Variants in RAB3IP observed in about 807,000 individuals in gnomAD.
RAB3IP encodes RAB3A interacting protein, also known as rab-3A-interacting protein.
In RAB3IP, 36 loss-of-function variants were observed where a neutral mutation model predicts 59.1. The observed-to-expected ratio is 0.61, with a 90% CI of 0.47 to 0.80. The LOEUF is 0.80. RAB3IP is among the 30% of genes least tolerant of loss of function. The pLI, the probability that RAB3IP is intolerant of heterozygous loss-of-function variation, is 0.00. For synonymous variants in RAB3IP, 207 were observed against 191.2 expected (o/e 1.08, Z -0.68); for missense variants, 511 against 536.0 (o/e 0.95, Z 0.46).
intron 4 of RAB3IP, among the ~76,000 whole-genome samples, chr12:69,786,789 C>G (rs1875727600): frequency 4.5e-5 from 3 of 66,596 alleles, no homozygotes; most frequent in African/African-American, 1.5e-4. Flanking sequence ...GCCAGAAATG[C>G]AGCTTAGGCA....
intron 3 of RAB3IP, among the ~76,000 whole-genome samples, chr12:69,763,465 C>T (rs1244979143): frequency 6.6e-6 from 1 of 152,214 alleles, no homozygotes; most frequent in Admixed American, 6.5e-5. Context: ...TCCACTTTTG[C>T]TTTGACTGGA....
At chr12:69,810,302 G>A (rs1379640563) in intron 8 of RAB3IP, among the ~76,000 whole-genome samples, 17 of 152,180 alleles carry the variant, frequency 1.1e-4, no homozygotes, top group Admixed American at 5.2e-4. Flanking sequence ...GTGTCAGTCC[G>A]CCCCTACTGG....
chr12:69,755,381 T>A lies in RAB3IP; in HGVS notation c.-25-3T>A, dbSNP rs1426573118. 6 of 1,608,726 alleles carry A rather than the reference T, an allele frequency of 3.7e-6. No homozygotes were observed. The African/African-American group carries it at 8.0e-5, about 22-fold the overall frequency. On this transcript the variant is annotated splice_region_variant and splice_polypyrimidine_tract_variant and intron_variant, in intron 1 of 10. Coordinates refer to ENST00000247833, the MANE Select transcript of RAB3IP (RefSeq NM_022456.5). ...TAAGTATCTGCTTTTTGTTTTAACA[T>A]AGGTTATCTTATGATGAGGCTTTTG...
At chr12:69,790,500 A>G (rs1876432226) in intron 4 of RAB3IP, among the ~76,000 whole-genome samples, 1 of 152,208 alleles carries the variant, frequency 6.6e-6, no homozygotes, top group South Asian at 2.1e-4. Context: ...TACAGATACA[A>G]TGCAATCCCT....
chr12:69,781,085 A>G (rs2136194969), intron 3 of RAB3IP, among the ~76,000 whole-genome samples: 1 of 152,332 alleles, frequency 6.6e-6, no homozygotes, highest in Middle Eastern at 3.4e-3. Context: ...TTAAGAAGTT[A>G]GTACACTTAG....
At chr12:69,813,575 C>T (rs11177877) in intron 10 of RAB3IP, among the ~76,000 whole-genome samples, 37,841 of 151,938 alleles carry the variant, frequency 0.25, 6,063 homozygotes, top group Non-Finnish European at 0.35. Context: ...GAGAACCAAC[C>T]TCATGAAAGT....
At position 69,756,533 on chromosome 12, in the gene RAB3IP, C is replaced by T. The variant is rs770520638; in HGVS notation, c.380C>T (p.Ala127Val). Residue 127 changes from alanine (A) to valine (V), a missense_variant, in exon 3 of 11, where the codon GCT becomes GTT. Physicochemically the swap from Ala to Val is moderately conservative, Grantham distance 64. Transcript: ENST00000247833. ...EFLQGATITE[A>V]CDGSDDIFGL... Reference sequence around the variant, plus strand: ...TTACAGGGTGCTACTATAACAGAGGCTTGCGATGGCAGTGATGATATTTTT... The same window carrying T: ...TTACAGGGTGCTACTATAACAGAGGTTTGCGATGGCAGTGATGATATTTTT... The T allele has an allele frequency of 1.9e-6, 3 of 1,614,086 alleles. No individual in the cohort carries two copies. The South Asian group carries it at 3.3e-5, about 18-fold the overall frequency.
chr12:69,789,469 A>C lies in RAB3IP; in HGVS notation c.606+4654A>C, dbSNP rs571229631. ...ATGGAATCAAGAAGTAGAAACAAAA[A>C]AGCCCAAGATTAGATGGCTTCACAG... On this transcript the variant is annotated intron_variant, in intron 4 of 10. Coordinates refer to ENST00000247833, the MANE Select transcript of RAB3IP (RefSeq NM_022456.5). Among the ~76,000 whole-genome samples, 3 of 152,228 alleles carry C rather than the reference A, an allele frequency of 2.0e-5. No homozygotes were observed. The East Asian group carries it at 5.8e-4, about 29-fold the overall frequency.
intron 3 of RAB3IP, among the ~76,000 whole-genome samples, chr12:69,773,314 C>T (rs548213650): frequency 6.7e-6 from 1 of 149,684 alleles, no homozygotes; most frequent in East Asian, 2.0e-4. Context: ...CTTTGACTTT[C>T]CTTTATCTGG....
intron 8 of RAB3IP, among the ~76,000 whole-genome samples, chr12:69,804,926 G>A (rs1338738847): frequency 6.6e-6 from 1 of 152,212 alleles, no homozygotes; most frequent in Non-Finnish European, 1.5e-5. Context: ...AAGTCAGGTA[G>A]CGTGATGCCT....
At chr12:69,815,248 A>G (rs1880998377) in intron 10 of RAB3IP, 116 bp from the exon 11 acceptor site, 4 of 689,094 alleles carry the variant, frequency 5.8e-6, no homozygotes, top group South Asian at 4.0e-5. Context: ...GAAAAAATGT[A>G]GGTACATCTT....
chr12:69,742,951 G>T (rs1258855984), intron 1 of RAB3IP, among the ~76,000 whole-genome samples: 4 of 152,196 alleles, frequency 2.6e-5, no homozygotes, highest in African/African-American at 9.6e-5. Flanking sequence ...AGAGGAAAAA[G>T]AATGAAAATT....
At chr12:69,741,041 T>A (rs1342861792) in intron 1 of RAB3IP, among the ~76,000 whole-genome samples, 3 of 152,244 alleles carry the variant, frequency 2.0e-5, no homozygotes, top group Admixed American at 6.5e-5. Context: ...TACTATTAGG[T>A]TGAAATTGCT....
At chr12:69,797,306 C>G (rs181476470) in intron 6 of RAB3IP, among the ~76,000 whole-genome samples, 23 of 152,286 alleles carry the variant, frequency 1.5e-4, no homozygotes, top group Admixed American at 8.5e-4. Flanking sequence ...AAATGGCAAT[C>G]ATAATATCTG....
rs577307963 is a variant in RAB3IP at position 69,759,893 on chromosome 12, C to T, written c.510+3230C>T. ...GCAGAGACGCTCCTCACCTCCCAGA[C>T]GGGGTCGCGGCTGGACAGAGGCGCT... On this transcript the variant is annotated intron_variant, in intron 3 of 10. Coordinates refer to ENST00000247833, the MANE Select transcript of RAB3IP (RefSeq NM_022456.5). Among the ~76,000 whole-genome samples the T allele has an allele frequency of 5.6e-3, 841 of 150,934 alleles. 4 individuals are homozygous for T. The highest frequency in any genetic ancestry group is 0.019 in the African/African-American group (785 of 40,878).
rs1881205595 is a variant in RAB3IP, at chr12:69,817,066, A to C, written c.*1620A>C. 6.6e-6 allele frequency: 1 copy of C among 152,238 alleles called. No homozygotes were observed. 9.4% of individuals were successfully genotyped at this position (152,238 alleles called of 1,614,324 possible). A position where few individuals can be genotyped will look rare whatever the true frequency, so the allele number is the denominator to read the frequency against. On this transcript the variant is annotated 3_prime_UTR_variant, in exon 11 of 11. Transcript: ENST00000247833. ...CAAAGCTTCAGAAGATTTTCCGTAC[A>C]AACTAAAATCACTTTTGGAGAAAGT...
intron 4 of RAB3IP, among the ~76,000 whole-genome samples, chr12:69,790,698 C>T (rs1393625028): frequency 2.0e-5 from 3 of 152,038 alleles, no homozygotes; most frequent in Admixed American, 6.6e-5. Flanking sequence ...TTTTCTCCTG[C>T]CTCAGCCTCC....
chr12:69,766,822 G>T (rs1206255602), intron 3 of RAB3IP, among the ~76,000 whole-genome samples: 1 of 151,988 alleles, frequency 6.6e-6, no homozygotes, highest in Non-Finnish European at 1.5e-5. Context: ...CACCATGCCC[G>T]GTGCAGAACC....
At chr12:69,741,702 ATAGT>A (rs1314162600) in intron 1 of RAB3IP, among the ~76,000 whole-genome samples, 3 of 152,224 alleles carry the variant, frequency 2.0e-5, no homozygotes, top group African/African-American at 2.4e-5. Context: ...TCAACGTCAC[ATAGT>A]TAATTAAGTG....
Sources: allele counts gnomAD v4.1 joint callset (sites outside exome capture counted in the v4.1 genomes callset), GRCh38; gene constraint gnomAD v4.1.1; transcripts MANE v1.5; gene names NCBI Gene and HGNC (gene_info 2026-07-23, HGNC 2026-07-21).